Variants in TTC29 observed in about 807,000 individuals in gnomAD.
TTC29 encodes the protein tetratricopeptide repeat domain 29.
A neutral mutation model predicts 58.1 loss-of-function variants in TTC29; 49 were observed. The ratio of observed to expected loss-of-function variants is 0.84; its 90% CI spans 0.67 to 1.07. TTC29 has a LOEUF of 1.07. Among genes scored for constraint, TTC29 ranks in the 50% least tolerant of loss-of-function variants. TTC29 has a pLI of 0.00. For synonymous variants in TTC29, 209 were observed against 196.8 expected (o/e 1.06, Z -0.52); for missense variants, 582 against 555.6 (o/e 1.05, Z -0.48).
chr4:146,717,373 G>A (rs1743013414), intron 11 of TTC29, among the ~76,000 whole-genome samples: 1 of 152,084 alleles, frequency 6.6e-6, no homozygotes, highest in Admixed American at 6.5e-5. Flanking sequence ...CTGCCTCCCA[G>A]TTCAAGCGAT....
At chr4:146,886,794 T>C (rs1732013319) in intron 6 of TTC29, among the ~76,000 whole-genome samples, 1 of 152,040 alleles carries the variant, frequency 6.6e-6, no homozygotes. Flanking sequence ...TGTTGGGTAG[T>C]GGAAAAAAAC....
intron 11 of TTC29, among the ~76,000 whole-genome samples, chr4:146,740,709 A>T (rs545833976): frequency 4.6e-5 from 7 of 152,264 alleles, no homozygotes; most frequent in African/African-American, 1.7e-4. Context: ...AAATATTTTT[A>T]AAATAATTTT....
At chr4:146,929,742 T>C (rs73852794) in intron 4 of TTC29, among the ~76,000 whole-genome samples, 11,374 of 152,112 alleles carry the variant, frequency 0.075, 1,443 homozygotes, top group African/African-American at 0.26. Flanking sequence ...AAGTTTTGCC[T>C]GCACTGTGTG....
intron 8 of TTC29, 92 bp from the exon 9 acceptor site, chr4:146,833,989 G>A (rs2150158339): frequency 2.5e-6 from 2 of 804,724 alleles, no homozygotes; most frequent in South Asian, 2.3e-5. Context: ...ATTAATAGTT[G>A]GTTTTAATGT....
intron 11 of TTC29, among the ~76,000 whole-genome samples, chr4:146,708,288 T>C (rs1330673634): frequency 7.8e-6 from 1 of 128,450 alleles, no homozygotes; most frequent in African/African-American, 3.4e-5. Flanking sequence ...ACCCAAATAA[T>C]GAAGTCAAAT....
intron 3 of TTC29, among the ~76,000 whole-genome samples, chr4:146,938,151 A>G (rs1285438606): frequency 3.3e-5 from 5 of 152,184 alleles, no homozygotes; most frequent in Admixed American, 2.0e-4. Flanking sequence ...CATAAAACTC[A>G]AATTATTAAA....
chr4:146,772,839 G>A (rs1290211431), intron 11 of TTC29, among the ~76,000 whole-genome samples: 1 of 152,018 alleles, frequency 6.6e-6, no homozygotes, highest in Non-Finnish European at 1.5e-5. Flanking sequence ...TAACAATATT[G>A]ATTCTTTCTA....
At chr4:146,894,882 T>C (rs950182385) in intron 6 of TTC29, among the ~76,000 whole-genome samples, 11 of 152,100 alleles carry the variant, frequency 7.2e-5, no homozygotes, top group African/African-American at 2.7e-4. Flanking sequence ...GTGCAGGATG[T>C]GCAGGTTTGC....
intron 11 of TTC29, among the ~76,000 whole-genome samples, chr4:146,720,100 T>G (rs2150003739): frequency 6.6e-6 from 1 of 152,216 alleles, no homozygotes; most frequent in South Asian, 2.1e-4. Flanking sequence ...CTGAGAAAAT[T>G]GATTACACTT....
At chr4:146,736,408 A>G (rs1455071455) in intron 11 of TTC29, among the ~76,000 whole-genome samples, 2 of 152,206 alleles carry the variant, frequency 1.3e-5, no homozygotes, top group Non-Finnish European at 2.9e-5. Context: ...GGGAATGGAC[A>G]TCGTATCTGA....
chr4:146,755,431 A>G (rs565738664), intron 11 of TTC29, among the ~76,000 whole-genome samples: 13 of 152,216 alleles, frequency 8.5e-5, no homozygotes, highest in Non-Finnish European at 1.6e-4. Flanking sequence ...CTGAGAAAGA[A>G]AAACAAAATT....
At chr4:146,722,879 G>C (rs1179937762) in intron 11 of TTC29, among the ~76,000 whole-genome samples, 1 of 152,012 alleles carries the variant, frequency 6.6e-6, no homozygotes, top group African/African-American at 2.4e-5. Context: ...TGTATTTTTA[G>C]TAGAGACAAG....
intron 10 of TTC29, among the ~76,000 whole-genome samples, chr4:146,804,314 G>A (rs1750447923): frequency 6.6e-6 from 1 of 152,168 alleles, no homozygotes; most frequent in African/African-American, 2.4e-5. Flanking sequence ...GGCTGTTTGG[G>A]TAGACACTGA....
intron 4 of TTC29, among the ~76,000 whole-genome samples, chr4:146,921,940 T>A (rs915785937): frequency 2.8e-5 from 4 of 143,230 alleles, no homozygotes; most frequent in East Asian, 2.1e-4. Flanking sequence ...TTAGTACACA[T>A]CCATGGATAT....
chr4:146,729,563 G>T (rs1744176167), intron 11 of TTC29, among the ~76,000 whole-genome samples: 2 of 152,004 alleles, frequency 1.3e-5, no homozygotes, highest in African/African-American at 2.4e-5. Context: ...GATGTCTAAT[G>T]GGTTCAAAAA....
intron 4 of TTC29, among the ~76,000 whole-genome samples, chr4:146,931,134 G>A (rs1735306417): frequency 6.6e-6 from 1 of 152,010 alleles, no homozygotes; most frequent in African/African-American, 2.4e-5. Flanking sequence ...CATGAAGCCA[G>A]GAGTTGAAGT....
At chr4:146,732,377 C>A (rs1016848325) in intron 11 of TTC29, among the ~76,000 whole-genome samples, 1 of 151,958 alleles carries the variant, frequency 6.6e-6, no homozygotes, top group African/African-American at 2.4e-5. Context: ...TTCTTGTTCC[C>A]AAAGATTAAT....
chr4:146,912,126 A>G (rs917253054), intron 4 of TTC29, among the ~76,000 whole-genome samples: 1 of 152,212 alleles, frequency 6.6e-6, no homozygotes, highest in African/African-American at 2.4e-5. Context: ...TCACAAAAAA[A>G]TCTCATAGCC....
chr4:146,833,990 G>T, intron 8 of TTC29, 93 bp from the exon 9 acceptor site: 3 of 807,676 alleles, frequency 3.7e-6, no homozygotes, highest in Non-Finnish European at 5.5e-6. Flanking sequence ...TTAATAGTTG[G>T]TTTTAATGTC....
Sources: gnomAD v4.1 joint callset for allele counts (sites outside exome capture counted in the v4.1 genomes callset) on GRCh38, gnomAD v4.1.1 for gene constraint, MANE v1.5 for transcripts, NCBI Gene and HGNC (gene_info 2026-07-23, HGNC 2026-07-21) for gene names.